Variants in PVT1 observed in about 807,000 individuals in gnomAD.
PVT1 encodes Pvt1 oncogene.
intron 3 of PVT1, among the ~76,000 whole-genome samples, chr8:127,901,652 T>A (rs1487266258): frequency 6.6e-6 from 1 of 152,102 alleles, no homozygotes; most frequent in African/African-American, 2.4e-5. Context: ...ACTTGAGTGA[T>A]CCTCCCACCT....
chr8:127,798,565 A>G (rs564318340), intron 2 of PVT1, among the ~76,000 whole-genome samples: 7 of 151,548 alleles, frequency 4.6e-5, no homozygotes, highest in East Asian at 3.9e-4. Flanking sequence ...AGAGGTCAGA[A>G]CCCTTAGTCT....
intron 2 of PVT1, among the ~76,000 whole-genome samples, chr8:127,840,085 G>A (rs1814956755): frequency 6.6e-6 from 1 of 152,212 alleles, no homozygotes; most frequent in African/African-American, 2.4e-5. Context: ...TGGCTGGAGA[G>A]GAGTGAGCAG....
At chr8:127,802,817 A>C (rs550838210) in intron 2 of PVT1, among the ~76,000 whole-genome samples, 1 of 152,244 alleles carries the variant, frequency 6.6e-6, no homozygotes, top group Admixed American at 6.5e-5. Context: ...CTGCAGATGT[A>C]ACTGCTAGGA....
rs59742457 is a variant in PVT1 at position 127,896,728 on chromosome 8, G to GATT, written n.782+5732_782+5733insTAT. Among the ~76,000 whole-genome samples the GATT allele has an allele frequency of 4.2e-3, 635 of 151,632 alleles. 11 individuals carry two copies. The highest frequency in any genetic ancestry group is 0.014 in the African/African-American group (591 of 41,306). ...GCTGCATCTATCACCCCATCACCTA[G>GATT]ATATTAAGCCCAGCATGCATTAGCT... On this transcript the variant is annotated intron_variant and non_coding_transcript_variant, in intron 3 of 10. Coordinates refer to ENST00000651587, the Ensembl canonical transcript of PVT1.
At chr8:127,827,915 C>G (rs1451244120) in intron 2 of PVT1, among the ~76,000 whole-genome samples, 1 of 152,076 alleles carries the variant, frequency 6.6e-6, no homozygotes, top group Non-Finnish European at 1.5e-5. Flanking sequence ...ATCTGGTGAG[C>G]CAGGCTGTTA....
chr8:128,066,054 G>A (rs1263678407), intron 4 of PVT1, among the ~76,000 whole-genome samples: 1 of 152,208 alleles, frequency 6.6e-6, no homozygotes, highest in Admixed American at 6.5e-5. Context: ...GAAAATAGAA[G>A]AAGATAATGA....
intron 4 of PVT1, among the ~76,000 whole-genome samples, chr8:128,043,210 G>C: frequency 6.6e-6 from 1 of 152,152 alleles, no homozygotes; most frequent in East Asian, 1.9e-4. Context: ...TTTGGACTTT[G>C]AATATAATGA....
intron 3 of PVT1, among the ~76,000 whole-genome samples, chr8:127,931,199 C>T (rs1816202216): frequency 6.6e-6 from 1 of 152,172 alleles, no homozygotes; most frequent in South Asian, 2.1e-4. Context: ...AGCCACTGCA[C>T]CTGGCCAAGA....
At chr8:127,984,681 A>G (rs1816923879) in intron 3 of PVT1, among the ~76,000 whole-genome samples, 1 of 152,028 alleles carries the variant, frequency 6.6e-6, no homozygotes, top group Non-Finnish European at 1.5e-5. Context: ...ATCTCAGCTC[A>G]CTGCAACCTC....
chr8:128,014,612 C>T (rs73357311), intron 4 of PVT1, among the ~76,000 whole-genome samples: 1,761 of 152,180 alleles, frequency 0.012, 39 homozygotes, highest in African/African-American at 0.041. Flanking sequence ...ACAGACTTGG[C>T]GGGGAAGGTG....
At chr8:128,090,485 CGT>C (rs1482652615) in intron 5 of PVT1, among the ~76,000 whole-genome samples, 9 of 152,048 alleles carry the variant, frequency 5.9e-5, no homozygotes, top group Non-Finnish European at 1.3e-4. Context: ...CCTCAGAGAA[CGT>C]GTTTCTTAGG....
intron 4 of PVT1, among the ~76,000 whole-genome samples, chr8:128,006,647 A>T (rs1371924340): frequency 2.0e-5 from 3 of 152,262 alleles, no homozygotes; most frequent in Non-Finnish European, 4.4e-5. Flanking sequence ...CCAAACAGTG[A>T]TTTTCTACTT....
At chr8:127,809,029 C>CAAAAAAAAAAAAAAAAAAA (rs1158760672) in intron 2 of PVT1, among the ~76,000 whole-genome samples, 338 of 28,012 alleles carry the variant, frequency 0.012, 3 homozygotes, top group Non-Finnish European at 0.017. Flanking sequence ...GATTCCATCT[C>CAAAAAAAAAAAAAAAAAAA]AAAAAAAAAA....
chr8:127,866,844 G>A (rs891095891), intron 2 of PVT1, among the ~76,000 whole-genome samples: 10 of 151,980 alleles, frequency 6.6e-5, no homozygotes, highest in Admixed American at 3.3e-4. Flanking sequence ...CCGACCCTCC[G>A]CAGATGCTAC....
At chr8:128,032,470 G>C (rs1181741978) in intron 4 of PVT1, among the ~76,000 whole-genome samples, 1 of 152,212 alleles carries the variant, frequency 6.6e-6, no homozygotes, top group East Asian at 1.9e-4. Flanking sequence ...ACCATTCATT[G>C]AGTTAAGACC....
intron 2 of PVT1, among the ~76,000 whole-genome samples, chr8:127,818,090 C>G (rs1814687469): frequency 6.6e-6 from 1 of 152,128 alleles, no homozygotes; most frequent in Non-Finnish European, 1.5e-5. Flanking sequence ...CCAAGGACGC[C>G]AGGCAGGATC....
chr8:128,022,500 G>C (rs1817449592), intron 4 of PVT1, among the ~76,000 whole-genome samples: 1 of 152,222 alleles, frequency 6.6e-6, no homozygotes, highest in East Asian at 1.9e-4. Flanking sequence ...GCATTTCCCT[G>C]CGCTCACAAA....
intron 6 of PVT1, chr8:128,099,867 G>A (rs1464947222): frequency 6.6e-6 from 1 of 151,988 alleles, no homozygotes; most frequent in African/African-American, 2.4e-5. Context: ...CTTTGCTAAT[G>A]AATTTTTTTT....
intron 2 of PVT1, among the ~76,000 whole-genome samples, chr8:127,854,302 G>A (rs762072909): frequency 2.0e-5 from 3 of 152,340 alleles, no homozygotes; most frequent in Non-Finnish European, 4.4e-5. Flanking sequence ...CCTGGCACAA[G>A]ACCCCCTGCT....
Sources: allele counts gnomAD v4.1 joint callset (sites outside exome capture counted in the v4.1 genomes callset), GRCh38; gene constraint gnomAD v4.1.1; transcripts MANE v1.5; gene names NCBI Gene and HGNC (gene_info 2026-07-23, HGNC 2026-07-21).